KCNIP3: variants seen among roughly 807,000 people sequenced by gnomAD.
The protein encoded by KCNIP3 is potassium voltage-gated channel interacting protein 3.
KCNIP3 carries 28 observed loss-of-function variants against 35.0 expected under a neutral mutation model. The ratio of observed to expected loss-of-function variants is 0.80; its 90% confidence interval spans 0.59 to 1.10. The LOEUF (loss-of-function observed/expected upper bound fraction) is 1.10. Ranked by LOEUF, KCNIP3 falls within the 50% of genes least tolerant of loss-of-function variation. KCNIP3 has a pLI of 0.00. For missense variants in KCNIP3, 295 were observed against 338.4 expected (o/e 0.87, Z 1.01); for synonymous variants, 134 against 133.8 (o/e 1.00, Z -0.01).
chr2:95,308,652 T>C (rs756382357), intron 1 of KCNIP3, among the ~76,000 whole-genome samples: 39 of 152,130 alleles, frequency 2.6e-4, no homozygotes, highest in Non-Finnish European at 4.9e-4. Flanking sequence ...CGCTGGGCTC[T>C]GTGTGGACGG....
intron 8 of KCNIP3, among the ~76,000 whole-genome samples, chr2:95,383,606 C>T (rs72946026): frequency 0.034 from 5,206 of 152,258 alleles, 245 homozygotes; most frequent in African/African-American, 0.092. Flanking sequence ...AGAGGGTCAC[C>T]GTGGGGAGGC....
chr2:95,367,855 A>C (rs1436415366), intron 2 of KCNIP3, among the ~76,000 whole-genome samples: 1 of 145,760 alleles, frequency 6.9e-6, no homozygotes, highest in African/African-American at 2.6e-5. Flanking sequence ...TCTGCCTCCC[A>C]GGTTCAAGCG....
intron 1 of KCNIP3, among the ~76,000 whole-genome samples, chr2:95,301,237 G>C (rs552486422): frequency 1.3e-5 from 2 of 152,394 alleles, no homozygotes; most frequent in South Asian, 4.1e-4. Flanking sequence ...GAGCAGTGCA[G>C]GGCTGGGAGG....
chr2:95,332,053 G>T (rs544677951), intron 2 of KCNIP3, among the ~76,000 whole-genome samples: 2 of 152,350 alleles, frequency 1.3e-5, no homozygotes, highest in South Asian at 4.1e-4. Context: ...GGGCTAACAG[G>T]TCCCTTTGAC....
intron 2 of KCNIP3, among the ~76,000 whole-genome samples, chr2:95,321,330 T>C (rs1678593721): frequency 6.6e-6 from 1 of 152,148 alleles, no homozygotes; most frequent in Non-Finnish European, 1.5e-5. Flanking sequence ...ATACCAGATA[T>C]AAGCATGGAG....
Position 95,328,673 on chromosome 2 carries a change from G to A in KCNIP3, c.181+18153G>A, listed in dbSNP as rs113395218. On this transcript the variant is annotated intron_variant, in intron 2 of 8. Coordinates refer to ENST00000295225, the MANE Select transcript of KCNIP3 (RefSeq NM_013434.5). ...GTCCCTGTGTGCTGGGGAGGGGCTC[G>A]GGTGCTATTCTTAGGGCAGCATTCT... Among the ~76,000 whole-genome samples the A allele has an allele frequency of 3.6e-3, 545 of 152,348 alleles. 3 individuals carry two copies. Among genetic ancestry groups the A allele is most frequent in the Middle Eastern group, 6.8e-3 (2 of 294 alleles).
At position 95,382,719 on chromosome 2, in the gene KCNIP3, C is replaced by T. The variant is rs1680379979; in HGVS notation, c.660+238C>T. Among the ~76,000 whole-genome samples the T allele has an allele frequency of 1.3e-5, 2 of 152,214 alleles. No homozygotes were observed. Among genetic ancestry groups the T allele is most frequent in the Admixed American group, 1.3e-4 (2 of 15,286 alleles). On this transcript the variant is annotated intron_variant, in intron 7 of 8. Coordinates refer to ENST00000295225, the MANE Select transcript of KCNIP3 (RefSeq NM_013434.5). This position sits in a 1 kb window ranked among gnomAD's most constrained non-coding sequence, Gnocchi z 4.5. ...GAGCTGGGGATCCTGAGGCAGCTGA[C>T]CCTGGGCCGGAGCTCCATGCCTCCT...
At chr2:95,375,332 G>T (rs367641175) in intron 5 of KCNIP3, 124 bp downstream of exon 5, 1 of 878,316 alleles carries the variant, frequency 1.1e-6, no homozygotes. Flanking sequence ...GATCTTGTGA[G>T]TCACCCTGGG....
In KCNIP3 at chr2:95,378,716, C is replaced by T. The variant is rs1408496190; in HGVS notation, c.448-2880C>T. Reference sequence around the variant, plus strand: ...GAGCTGAGATTGCACCACTGTACTCCATCCAGCCTGGGTGACAGAGTGAGA... The same window carrying T: ...GAGCTGAGATTGCACCACTGTACTCTATCCAGCCTGGGTGACAGAGTGAGA... On this transcript the variant is annotated intron_variant, in intron 5 of 8. Coordinates refer to ENST00000295225, the MANE Select transcript of KCNIP3 (RefSeq NM_013434.5). The surrounding 1 kb of genome is among the most constrained non-coding windows in gnomAD (Gnocchi z 4.0). Among the ~76,000 whole-genome samples the T allele has an allele frequency of 6.6e-6, 1 of 151,172 alleles. No homozygotes were observed. The highest frequency in any genetic ancestry group is 1.5e-5 in the Non-Finnish European group (1 of 67,822).
At chr2:95,342,751 C>A (rs1438808342) in intron 2 of KCNIP3, among the ~76,000 whole-genome samples, 2 of 152,230 alleles carry the variant, frequency 1.3e-5, no homozygotes, top group African/African-American at 4.8e-5. Context: ...ATGGAGGACT[C>A]TCACTATCCT....
chr2:95,305,365 G>T (rs1471724861), intron 1 of KCNIP3, among the ~76,000 whole-genome samples: 3 of 152,106 alleles, frequency 2.0e-5, no homozygotes, highest in Non-Finnish European at 4.4e-5. Flanking sequence ...ACATGCAGTT[G>T]CAGGAGCTCA....
intron 1 of KCNIP3, among the ~76,000 whole-genome samples, chr2:95,302,845 C>A (rs1292651519): frequency 1.3e-5 from 2 of 152,184 alleles, no homozygotes; most frequent in Non-Finnish European, 2.9e-5. Flanking sequence ...GCCCTCTGAG[C>A]CCACACCCAG....
At chr2:95,329,749 A>G (rs1429656902) in intron 2 of KCNIP3, among the ~76,000 whole-genome samples, 1 of 152,206 alleles carries the variant, frequency 6.6e-6, no homozygotes, top group East Asian at 1.9e-4. Flanking sequence ...CACGTTCCCA[A>G]TTAAGCCGAG....
intron 5 of KCNIP3, among the ~76,000 whole-genome samples, chr2:95,380,289 AGTT>A (rs981541197): frequency 6.6e-6 from 1 of 152,274 alleles, no homozygotes; most frequent in Admixed American, 6.5e-5. Flanking sequence ...TGAACCTAAT[AGTT>A]GTTGTCAAAT....
At chr2:95,351,139 A>C (rs1349827598) in intron 2 of KCNIP3, among the ~76,000 whole-genome samples, 2 of 152,222 alleles carry the variant, frequency 1.3e-5, no homozygotes, top group Non-Finnish European at 2.9e-5. Context: ...TCTCTTCCCC[A>C]GCTCCAGGTG....
chr2:95,378,133 T>A lies in KCNIP3; in HGVS notation c.447+2925T>A, dbSNP rs1447713185. On this transcript the variant is annotated intron_variant, in intron 5 of 8. Transcript: ENST00000295225. This position sits in a 1 kb window ranked among gnomAD's most constrained non-coding sequence, Gnocchi z 4.0. ...ATATAACAATGTTTCTCCTTGTTTTTTAATTTTTATTTTTTTTGTTTTATT... is the reference window on the plus strand; with the variant it reads ...ATATAACAATGTTTCTCCTTGTTTTATAATTTTTATTTTTTTTGTTTTATT... Among the ~76,000 whole-genome samples the A allele has an allele frequency of 6.6e-6, 1 of 152,202 alleles. No individual in the cohort carries two copies. Among genetic ancestry groups the A allele is most frequent in the Non-Finnish European group, 1.5e-5 (1 of 68,042 alleles).
At chr2:95,317,874 T>C (rs1314128368) in intron 2 of KCNIP3, among the ~76,000 whole-genome samples, 1 of 152,130 alleles carries the variant, frequency 6.6e-6, no homozygotes, top group Admixed American at 6.5e-5. Flanking sequence ...GGCCCGAGGC[T>C]GCAGGAGTGC....
At chr2:95,366,627 T>C (rs536124103) in intron 2 of KCNIP3, among the ~76,000 whole-genome samples, 5 of 152,110 alleles carry the variant, frequency 3.3e-5, no homozygotes, top group African/African-American at 1.2e-4. Flanking sequence ...CAGTACCACT[T>C]CTCTCTCCTG....
intron 2 of KCNIP3, among the ~76,000 whole-genome samples, chr2:95,325,832 CAT>C (rs1366662363): frequency 6.4e-5 from 7 of 109,816 alleles, no homozygotes; most frequent in Non-Finnish European, 1.1e-4. Context: ...CACATACACT[CAT>C]ACACACTCAT....
Sources: gnomAD v4.1 joint callset for allele counts (sites outside exome capture counted in the v4.1 genomes callset) on GRCh38, gnomAD v4.1.1 for gene constraint, Gnocchi (gnomAD v3.1) non-coding constraint, MANE v1.5 for transcripts, NCBI Gene and HGNC (gene_info 2026-07-23, HGNC 2026-07-21) for gene names.